Variants in SPNS3 observed in about 807,000 individuals in gnomAD.
The protein encoded by SPNS3 is SPNS lysolipid transporter 3, sphingosine-1-phosphate (putative).
In SPNS3, 51 loss-of-function variants were observed where a neutral mutation model predicts 54.4. The ratio of observed to expected loss-of-function variants is 0.94; its 90% confidence interval spans 0.75 to 1.18. The LOEUF is 1.18. Ranked by LOEUF, SPNS3 falls within the 50% of genes most tolerant of loss-of-function variation. The probability of loss-of-function intolerance (pLI) is 0.00; values close to 1 mark genes in which losing one functional copy is unlikely to be tolerated. For missense variants in SPNS3, 669 were observed against 677.4 expected, an observed-to-expected ratio of 0.99 and a Z score of 0.14; for synonymous variants, 309 against 294.7, an observed-to-expected ratio of 1.05 and a Z score of -0.50.
At chr17:4,484,751 C>T (rs1363695739) in intron 9 of SPNS3, among the ~76,000 whole-genome samples, 5 of 152,000 alleles carry the variant, frequency 3.3e-5, no homozygotes, top group Non-Finnish European at 7.4e-5. Flanking sequence ...AGTCCCCTCC[C>T]CCTCCCTCCT....
rs980202154 is a variant in SPNS3, at chr17:4,488,137, C to T, written c.*243C>T. 4 of 550,294 alleles carry T rather than the reference C, an allele frequency of 7.3e-6. No homozygotes were observed. The highest frequency in any genetic ancestry group is 1.9e-5 in the African/African-American group (1 of 52,774). The allele number at this position is 550,294 out of a possible 1,614,324, so 34.1% of individuals were successfully genotyped here. ...CAAGGCTGCCCCAGCCTGGGGTCTC[C>T]AGCCTGGCTGCTGCTGGGCCCTGAA... On this transcript the variant is annotated 3_prime_UTR_variant, in exon 12 of 12. Transcript: ENST00000355530.
chr17:4,474,607 G>C (rs1368932342), intron 8 of SPNS3, among the ~76,000 whole-genome samples: 5 of 152,204 alleles, frequency 3.3e-5, no homozygotes, highest in Non-Finnish European at 7.3e-5. Flanking sequence ...TCCTCCTCCT[G>C]CTGACCTGTG....
intron 3 of SPNS3, 140 bp downstream of exon 3, chr17:4,445,308 T>C (rs1970954673): frequency 1.1e-6 from 1 of 898,398 alleles, no homozygotes; most frequent in Non-Finnish European, 1.6e-6. Flanking sequence ...CACTGAGGGC[T>C]GGGAGAGAAG....
chr17:4,475,051 G>T (rs1191168533), intron 8 of SPNS3, among the ~76,000 whole-genome samples: 1 of 152,148 alleles, frequency 6.6e-6, no homozygotes, highest in Non-Finnish European at 1.5e-5. Context: ...GGCCGCATGT[G>T]TGACAGTGTG....
intron 3 of SPNS3, among the ~76,000 whole-genome samples, chr17:4,445,784 T>C (rs926458292): frequency 5.9e-5 from 9 of 151,984 alleles, no homozygotes; most frequent in African/African-American, 2.2e-4. Flanking sequence ...GGGTAACAGC[T>C]GCTGTCTTGG....
chr17:4,439,403 G>C (rs1970792117), intron 1 of SPNS3, among the ~76,000 whole-genome samples: 1 of 152,228 alleles, frequency 6.6e-6, no homozygotes, highest in Non-Finnish European at 1.5e-5. Flanking sequence ...TGAGATTACA[G>C]GCGTGAGCCA....
intron 5 of SPNS3, 67 bp from the exon 6 acceptor site, chr17:4,448,088 G>T: frequency 4.1e-6 from 6 of 1,448,514 alleles, no homozygotes; most frequent in Non-Finnish European, 5.5e-6. Flanking sequence ...GTGGCCAGTT[G>T]CCCCCGGGGG....
At chr17:4,450,277 TCTC>T (rs1399348293) in intron 7 of SPNS3, among the ~76,000 whole-genome samples, 1 of 149,828 alleles carries the variant, frequency 6.7e-6, no homozygotes, top group Non-Finnish European at 1.5e-5. Flanking sequence ...TTTTCTCTCT[TCTC>T]CTCTCTTCTC....
At chr17:4,436,011 C>T (rs1364848926) in intron 1 of SPNS3, among the ~76,000 whole-genome samples, 3 of 136,416 alleles carry the variant, frequency 2.2e-5, no homozygotes, top group South Asian at 2.4e-4. Flanking sequence ...CATTCAAGAC[C>T]GGCTGAGCAC....
intron 1 of SPNS3, among the ~76,000 whole-genome samples, chr17:4,435,065 G>A (rs1970678955): frequency 6.6e-6 from 1 of 152,248 alleles, no homozygotes; most frequent in East Asian, 1.9e-4. Flanking sequence ...GCCTCCCAAA[G>A]TGTTGGGATT....
intron 7 of SPNS3, among the ~76,000 whole-genome samples, chr17:4,452,242 G>A (rs2144061269): frequency 6.6e-6 from 1 of 152,246 alleles, no homozygotes; most frequent in Non-Finnish European, 1.5e-5. Context: ...GACTACAGGT[G>A]CACGCCACCA....
Position 4,485,382 on chromosome 17 carries a change from G to A in SPNS3, c.1180-846G>A, listed in dbSNP as rs961202648. Among the ~76,000 whole-genome samples the A allele has an allele frequency of 3.3e-5, 5 of 152,040 alleles. No homozygotes were observed. The East Asian group carries it at 9.7e-4, about 29-fold the overall frequency. On this transcript the variant is annotated intron_variant, in intron 9 of 11. Coordinates refer to ENST00000355530, the MANE Select transcript of SPNS3 (RefSeq NM_182538.5). ...ATCGGAACCTGAGTGTGTGACACCA[G>A]AGTTCTTTATTTTTTTTATTTTTTT... is the stretch of plus-strand genomic sequence containing the variant.
chr17:4,452,986 G>T, intron 7 of SPNS3, 30 bp from the exon 8 acceptor site: 2 of 1,600,702 alleles, frequency 1.2e-6, no homozygotes, highest in South Asian at 2.3e-5. Flanking sequence ...TCACCCAGCT[G>T]ACCAACCCTT....
At chr17:4,460,020 G>A (rs72819689) in intron 8 of SPNS3, among the ~76,000 whole-genome samples, 7,128 of 152,214 alleles carry the variant, frequency 0.047, 234 homozygotes, top group Middle Eastern at 0.078. Context: ...CCTGTAGGGG[G>A]TGAAGTAGTG....
intron 8 of SPNS3, among the ~76,000 whole-genome samples, chr17:4,476,301 C>G (rs541158687): frequency 3.3e-5 from 5 of 152,330 alleles, no homozygotes; most frequent in African/African-American, 1.2e-4. Flanking sequence ...GCTTCTTCAG[C>G]CTGAAAGGCC....
chr17:4,486,600 A>C lies in SPNS3; in HGVS notation c.1450+17A>C, dbSNP rs963338214. On this transcript the variant is annotated intron_variant, in intron 11 of 11. Coordinates refer to ENST00000355530, the MANE Select transcript of SPNS3 (RefSeq NM_182538.5). The surrounding 1 kb of genome is among the most constrained non-coding windows in gnomAD (Gnocchi z 5.5). ...CTGTCACAGGTACCCTACCCATTGC[A>C]CCAGGCCCGGCTCAGGGCCGGCACC... 2.5e-6 allele frequency: 4 copies of C among 1,597,246 alleles called. No individual in the cohort carries two copies. The Admixed American group carries it at 6.9e-5, about 27-fold the overall frequency.
chr17:4,439,550 C>T (rs1432267700), intron 1 of SPNS3, 108 bp from the exon 2 acceptor site: 2 of 932,764 alleles, frequency 2.1e-6, no homozygotes, highest in Admixed American at 2.1e-5. Flanking sequence ...GGTGCCATGC[C>T]CTGTGCTGTG....
At chr17:4,441,961 A>G (rs553778121) in intron 2 of SPNS3, among the ~76,000 whole-genome samples, 1 of 105,378 alleles carries the variant, frequency 9.5e-6, no homozygotes, top group East Asian at 2.2e-4. Flanking sequence ...TATTACTACA[A>G]GTCCTGGGCC....
At chr17:4,447,107 C>T (rs931846458) in intron 5 of SPNS3, 145 bp downstream of exon 5, 1 of 812,560 alleles carries the variant, frequency 1.2e-6, no homozygotes, top group Non-Finnish European at 2.0e-6. Flanking sequence ...CAGCTTTGGA[C>T]ATGTGGGGCC....
Sources: gnomAD v4.1 joint callset for allele counts (sites outside exome capture counted in the v4.1 genomes callset) on GRCh38, gnomAD v4.1.1 for gene constraint, Gnocchi (gnomAD v3.1) non-coding constraint, MANE v1.5 for transcripts, NCBI Gene and HGNC (gene_info 2026-07-23, HGNC 2026-07-21) for gene names.